The following EDEM3 variants were observed in gnomAD, a reference collection of about 807,000 sequenced individuals.
The protein encoded by EDEM3 is ER degradation enhancing alpha-mannosidase like protein 3.
EDEM3 carries 60 observed loss-of-function variants against 110.2 expected under a neutral mutation model. The observed-to-expected ratio is 0.54, with a 90% CI of 0.44 to 0.67. EDEM3 has a LOEUF of 0.67. Ranked by LOEUF, EDEM3 falls within the 30% of genes least tolerant of loss-of-function variation. EDEM3 has a pLI of 0.00. For synonymous variants in EDEM3, 352 were observed against 382.9 expected, an observed-to-expected ratio of 0.92 and a Z score of 0.94; for missense variants, 996 against 1,121.0, an observed-to-expected ratio of 0.89 and a Z score of 1.59.
At chr1:184,701,204 T>A (rs548009340) in intron 19 of EDEM3, among the ~76,000 whole-genome samples, 2 of 152,128 alleles carry the variant, frequency 1.3e-5, no homozygotes, top group Non-Finnish European at 2.9e-5. Flanking sequence ...TTACATTGTG[T>A]TCAAATAAAA....
At position 184,711,733 on chromosome 1, in the gene EDEM3, T is replaced by C. The variant is rs373515341; in HGVS notation, c.1681A>G (p.Ile561Val). 59 of 1,598,258 alleles carry C rather than the reference T, an allele frequency of 3.7e-5. No individual in the cohort carries two copies. Among genetic ancestry groups the C allele is most frequent in the Non-Finnish European group, 4.9e-5 (57 of 1,174,854 alleles). ...AATAATACATCTTACACTCTGATGA[T>C]GCCTCTAGGACAGCTCTTATCCACC... ...NVVDKSCPRG[I>V]IRVEESFRSG... The change falls in exon 15 of 20, where the codon ATC becomes GTC. Residue 561 changes from isoleucine to valine, a missense_variant. Coordinates refer to ENST00000318130, the MANE Select transcript of EDEM3 (RefSeq NM_025191.4).
At chr1:184,714,967 G>C (rs1023511665) in intron 13 of EDEM3, among the ~76,000 whole-genome samples, 3 of 152,146 alleles carry the variant, frequency 2.0e-5, no homozygotes, top group African/African-American at 7.2e-5. Context: ...ATATGATGAA[G>C]AATGGTAGTT....
At chr1:184,739,329 A>T (rs1034756230) in intron 2 of EDEM3, among the ~76,000 whole-genome samples, 3 of 149,218 alleles carry the variant, frequency 2.0e-5, no homozygotes, top group Non-Finnish European at 3.0e-5. Context: ...AATAATTAAG[A>T]TTAAAAGTAA....
intron 13 of EDEM3, among the ~76,000 whole-genome samples, chr1:184,714,407 A>C (rs992036894): frequency 6.6e-6 from 1 of 152,180 alleles, no homozygotes; most frequent in Non-Finnish European, 1.5e-5. Flanking sequence ...TTTTCCTATT[A>C]TTTTTGCCAT....
Position 184,716,891 on chromosome 1 carries a change from T to C in EDEM3, c.1367A>G (p.Asp456Gly). Residue 456 changes from aspartate to glycine, a missense_variant, in exon 13 of 20, where the codon GAC becomes GGC. Around this residue, in one of 5 missense-constraint regions of EDEM3, gnomAD observed 310 missense variants for 394.6 expected, o/e 0.79. Coordinates refer to ENST00000318130, the MANE Select transcript of EDEM3 (RefSeq NM_025191.4). ...AGGATGTTAGCAATTGTTTTACCTG[T>C]CCTCATGACTTCCAGTACGAACATC... ...MKDVRTGSHE[D>G]RMDSFFLAEM... The C allele has an allele frequency of 6.2e-7, 1 of 1,613,178 alleles. No individual in the cohort carries two copies.
chr1:184,696,363 AT>A lies in EDEM3; in HGVS notation c.2390-1892del, dbSNP rs530727264. Among the ~76,000 whole-genome samples, 8 of 151,938 alleles carry A rather than the reference AT, an allele frequency of 5.3e-5. No homozygotes were observed. In the East Asian group the frequency reaches 1.5e-3, roughly 29 times the overall value. On this transcript the variant is annotated intron_variant, in intron 19 of 19. Transcript: ENST00000318130. ...GCTTCAACCACCTGTCCCCTTTCAT[AT>A]TTTGTATGGCTCCTGTGCACACACG...
At chr1:184,700,946 T>C (rs1649587593) in intron 19 of EDEM3, among the ~76,000 whole-genome samples, 1 of 152,036 alleles carries the variant, frequency 6.6e-6, no homozygotes, top group Non-Finnish European at 1.5e-5. Flanking sequence ...GATCACTCTA[T>C]AACAATCACA....
intron 13 of EDEM3, among the ~76,000 whole-genome samples, chr1:184,713,254 A>C (rs1199860107): frequency 6.6e-6 from 1 of 152,048 alleles, no homozygotes; most frequent in Non-Finnish European, 1.5e-5. Context: ...GTGACAGAGC[A>C]AGACTCCGAC....
In EDEM3 at chr1:184,691,807, G is replaced by C. The variant is rs1240099197; in HGVS notation, c.*2256C>G. The stretch of plus-strand genomic sequence containing the variant: ...GAGTATAATTCCTTCTGGGTATTAA[G>C]AAAAATTGGTTAAATTTTTTCCTTT... On this transcript the variant is annotated 3_prime_UTR_variant, in exon 20 of 20. Coordinates refer to ENST00000318130, the MANE Select transcript of EDEM3 (RefSeq NM_025191.4). 2 of 151,996 alleles carry C rather than the reference G, an allele frequency of 1.3e-5. No homozygotes were observed. The highest frequency in any genetic ancestry group is 2.9e-5 in the Non-Finnish European group (2 of 67,950). 9.4% of individuals were successfully genotyped at this position (151,996 alleles called of 1,614,324 possible).
intron 13 of EDEM3, among the ~76,000 whole-genome samples, chr1:184,713,383 C>A (rs1222310288): frequency 6.6e-6 from 1 of 152,120 alleles, no homozygotes; most frequent in East Asian, 1.9e-4. Context: ...GAAATAAAGA[C>A]AGTAAAACTA....
At chr1:184,749,508 C>T (rs1652629949) in intron 2 of EDEM3, 39 bp downstream of exon 2, 1 of 1,427,724 alleles carries the variant, frequency 7.0e-7, no homozygotes, top group Non-Finnish European at 9.6e-7. Context: ...TAATAATCAA[C>T]TCACATAAAT....
intron 18 of EDEM3, among the ~76,000 whole-genome samples, chr1:184,703,563 C>T (rs932895501): frequency 6.6e-6 from 1 of 152,170 alleles, no homozygotes; most frequent in Non-Finnish European, 1.5e-5. Context: ...AACAGTATTG[C>T]TATTTTGCAT....
At chr1:184,726,416 A>G in intron 6 of EDEM3, 27 bp from the exon 7 acceptor site, 1 of 1,607,484 alleles carries the variant, frequency 6.2e-7, no homozygotes, top group Non-Finnish European at 8.5e-7. Flanking sequence ...AATTGTCATT[A>G]GCAGTTATCA....
chr1:184,719,124 G>A (rs1041155690), intron 11 of EDEM3, 38 bp downstream of exon 11: 20 of 1,171,498 alleles, frequency 1.7e-5, no homozygotes, highest in Non-Finnish European at 2.4e-5. Context: ...GTGTGTGTTT[G>A]TGTGTGTGTA....
In EDEM3 at chr1:184,734,266, C is replaced by T. The variant is rs530774436; in HGVS notation, c.458+265G>A. The stretch of plus-strand genomic sequence containing the variant: ...GGCAGATCACTTAAGGTCAGGCATT[C>T]GGGACCAGCCTGGCCATCATGGTGA... On this transcript the variant is annotated intron_variant, in intron 5 of 19. Coordinates refer to ENST00000318130, the MANE Select transcript of EDEM3 (RefSeq NM_025191.4). 3.3e-5 allele frequency among the ~76,000 whole-genome samples: 5 copies of T among 152,204 alleles called. No individual in the cohort carries two copies. In the East Asian group the frequency reaches 7.7e-4, roughly 24 times the overall value.
At position 184,702,837 on chromosome 1, in the gene EDEM3, A is replaced by G; in HGVS notation, c.2363T>C (p.Leu788Pro). The G allele has an allele frequency of 1.2e-6, 2 of 1,608,298 alleles. No homozygotes were observed. Among genetic ancestry groups the G allele is most frequent in the Non-Finnish European group, 1.7e-6 (2 of 1,177,944 alleles). ...TCGATCTTTTGCTTTATCAGAGAGG[A>G]GCACTTCTACCTCCTCATATTCCCG... ...AIREYEEVEV[L>P]LSDKAKDRDP... Residue 788 changes from leucine (L) to proline (P), a missense_variant, in exon 19 of 20, where the codon CTC (leucine) becomes CCC (proline). Leu to Pro is a moderately conservative substitution (Grantham distance 98). This residue lies in a region of EDEM3 where 345 missense variants were observed against 402.0 expected (regional missense o/e 0.86). Transcript: ENST00000318130.
At chr1:184,700,991 A>G (rs1389018113) in intron 19 of EDEM3, among the ~76,000 whole-genome samples, 2 of 152,032 alleles carry the variant, frequency 1.3e-5, no homozygotes, top group Non-Finnish European at 2.9e-5. Flanking sequence ...TTTTCAAAAA[A>G]TATCTTTTAA....
chr1:184,721,758 T>C (rs1650915686), intron 8 of EDEM3, among the ~76,000 whole-genome samples: 1 of 151,776 alleles, frequency 6.6e-6, no homozygotes, highest in Non-Finnish European at 1.5e-5. Flanking sequence ...ACAATAATAA[T>C]ATCTACTCTT....
At position 184,719,521 on chromosome 1, in the gene EDEM3, A is replaced by T. The variant is rs748798677; in HGVS notation, c.999T>A (p.Leu333=). The change falls in exon 10 of 20, where the codon CTT becomes CTA. Residue 333 remains leucine, a synonymous_variant. Transcript: ENST00000318130. ...MRYISQPPLL[L]DVHIHKPMLN... ...GCATTGGTTTGTGGATATGCACATCAAGTAGAAGAGGTGGCTGGCTAATAT... is the reference window on the plus strand; with the variant it reads ...GCATTGGTTTGTGGATATGCACATCTAGTAGAAGAGGTGGCTGGCTAATAT... 3.1e-6 allele frequency: 5 copies of T among 1,614,066 alleles called. No homozygotes were observed. The East Asian group carries it at 1.1e-4, about 36-fold the overall frequency.
Sources: allele counts gnomAD v4.1 joint callset (sites outside exome capture counted in the v4.1 genomes callset), GRCh38; gene constraint gnomAD v4.1.1; regional missense constraint gnomAD v4.1.1; transcripts MANE v1.5; gene names NCBI Gene and HGNC (gene_info 2026-07-23, HGNC 2026-07-21).